The following XXYLT1 variants were observed in gnomAD, a reference collection of about 807,000 sequenced individuals.
XXYLT1 encodes the protein UDP-xylose:alpha-xyloside alpha-1,3-xylosyltransferase.
XXYLT1 carries 20 observed loss-of-function variants against 28.9 expected under a neutral mutation model. The ratio of observed to expected loss-of-function variants is 0.69; its 90% CI spans 0.49 to 1.00. The LOEUF (loss-of-function observed/expected upper bound fraction) is 1.00, where lower values mean the gene tolerates loss of function less well. Among genes scored for constraint, XXYLT1 ranks in the 50% least tolerant of loss-of-function variants. The probability of loss-of-function intolerance (pLI) is 0.00; values close to 1 mark genes in which losing one functional copy is unlikely to be tolerated. For synonymous variants in XXYLT1, 257 were observed against 253.8 expected (o/e 1.01, Z -0.12); for missense variants, 542 against 560.1 (o/e 0.97, Z 0.33).
At chr3:195,235,471 CT>C (rs1361979547) in intron 1 of XXYLT1, among the ~76,000 whole-genome samples, 2 of 152,194 alleles carry the variant, frequency 1.3e-5, no homozygotes, top group African/African-American at 2.4e-5. Flanking sequence ...TTTCAATTCT[CT>C]GTTTGAAAGA....
At chr3:195,269,882 T>G (rs1251912348) in intron 1 of XXYLT1, among the ~76,000 whole-genome samples, 1 of 152,236 alleles carries the variant, frequency 6.6e-6, no homozygotes, top group African/African-American at 2.4e-5. Flanking sequence ...GAAGCTGTCA[T>G]GGAGGCAGAC....
intron 3 of XXYLT1, among the ~76,000 whole-genome samples, chr3:195,148,640 G>A (rs1014357436): frequency 5.3e-5 from 8 of 152,268 alleles, no homozygotes; most frequent in Non-Finnish European, 8.8e-5. Flanking sequence ...CAGCCATAAA[G>A]CCTTCCAGAC....
In XXYLT1 at chr3:195,078,146, T is replaced by C. The variant is rs1715227908; in HGVS notation, c.786-8035A>G. Among the ~76,000 whole-genome samples, 2 of 152,006 alleles carry C rather than the reference T, an allele frequency of 1.3e-5. No homozygotes were observed. The highest frequency in any genetic ancestry group is 2.9e-5 in the Non-Finnish European group (2 of 68,002). ...GGGTGTGGGGCGGAGGAAAAGGGAATTCCATGTTGAGTCCCAAACAGGTGC... is the reference window on the plus strand; with the variant it reads ...GGGTGTGGGGCGGAGGAAAAGGGAACTCCATGTTGAGTCCCAAACAGGTGC... On this transcript the variant is annotated intron_variant, in intron 3 of 3. Coordinates refer to ENST00000310380, the MANE Select transcript of XXYLT1 (RefSeq NM_152531.5). This position sits in a 1 kb window ranked among gnomAD's most constrained non-coding sequence, Gnocchi z 5.0.
chr3:195,189,195 G>A (rs916306211), intron 2 of XXYLT1, among the ~76,000 whole-genome samples: 1 of 152,072 alleles, frequency 6.6e-6, no homozygotes, highest in Non-Finnish European at 1.5e-5. Context: ...GCAACCTCTA[G>A]GAATCCAGGG....
chr3:195,171,587 C>T (rs1301177357), intron 2 of XXYLT1, among the ~76,000 whole-genome samples: 2 of 152,214 alleles, frequency 1.3e-5, no homozygotes, highest in Non-Finnish European at 2.9e-5. Context: ...CTTGATTGTA[C>T]TCTTAAACCT....
At chr3:195,197,821 G>A (rs1338701371) in intron 2 of XXYLT1, among the ~76,000 whole-genome samples, 13 of 152,194 alleles carry the variant, frequency 8.5e-5, no homozygotes, top group Admixed American at 2.6e-4. Flanking sequence ...ACTCTCTCCA[G>A]AAACACTGTC....
At chr3:195,165,641 G>A (rs926337664) in intron 2 of XXYLT1, among the ~76,000 whole-genome samples, 18 of 152,134 alleles carry the variant, frequency 1.2e-4, no homozygotes, top group African/African-American at 3.9e-4. Flanking sequence ...GTGACAGTTT[G>A]CAAACTGACT....
intron 3 of XXYLT1, among the ~76,000 whole-genome samples, chr3:195,149,431 CAGGGCTAG>C (rs935845115): frequency 5.1e-4 from 78 of 152,258 alleles, no homozygotes; most frequent in African/African-American, 1.8e-3. Flanking sequence ...TATTGGAGAT[CAGGGCTAG>C]AGCCATGGCT....
intron 3 of XXYLT1, among the ~76,000 whole-genome samples, chr3:195,086,373 G>A (rs1715726741): frequency 1.3e-5 from 2 of 152,188 alleles, no homozygotes. Flanking sequence ...GCCAGGTCTG[G>A]CGTCTCGGCC....
At chr3:195,198,026 C>G (rs1012082913) in intron 2 of XXYLT1, among the ~76,000 whole-genome samples, 22 of 152,226 alleles carry the variant, frequency 1.4e-4, no homozygotes, top group Non-Finnish European at 3.1e-4. Flanking sequence ...TCTCCCCTAT[C>G]CATGAAATCG....
At position 195,123,554 on chromosome 3, in the gene XXYLT1, C is replaced by T. The variant is rs144645152; in HGVS notation, c.785+32895G>A. ...TGAGTCCTGAGGGCTGCAAGGCCTG[C>T]GTCTGAAGGAGCTCGTCAGCTGAAT... On this transcript the variant is annotated intron_variant, in intron 3 of 3. Transcript: ENST00000310380. Among the ~76,000 whole-genome samples, 810 of 152,284 alleles carry T rather than the reference C, an allele frequency of 5.3e-3. 3 individuals are homozygous for T. The highest frequency in any genetic ancestry group is 9.4e-3 in the Non-Finnish European group (638 of 68,028).
intron 2 of XXYLT1, among the ~76,000 whole-genome samples, chr3:195,184,057 A>C (rs1722070601): frequency 6.6e-6 from 1 of 152,214 alleles, no homozygotes; most frequent in African/African-American, 2.4e-5. Context: ...AAGACACACA[A>C]ATGGCCTAGT....
intron 2 of XXYLT1, chr3:195,184,530 T>A (rs992483674): frequency 2.4e-6 from 2 of 830,508 alleles, no homozygotes; most frequent in Non-Finnish European, 2.9e-6. Context: ...TCAGACTATC[T>A]TAATAAATGG....
chr3:195,111,773 A>G (rs531238297), intron 3 of XXYLT1, among the ~76,000 whole-genome samples: 55 of 152,334 alleles, frequency 3.6e-4, no homozygotes, highest in African/African-American at 1.3e-3. Flanking sequence ...AGCTGTCTTC[A>G]CAGGGCCTTG....
intron 1 of XXYLT1, among the ~76,000 whole-genome samples, chr3:195,229,766 G>C (rs922709152): frequency 2.0e-5 from 3 of 152,190 alleles, no homozygotes; most frequent in African/African-American, 7.2e-5. Flanking sequence ...TATATGTACT[G>C]TTTTCTTTTT....
chr3:195,110,322 GGGTGAGGT>G (rs1463839988), intron 3 of XXYLT1, among the ~76,000 whole-genome samples: 6 of 16,120 alleles, frequency 3.7e-4, no homozygotes, highest in African/African-American at 1.1e-3. Context: ...GTGTGGGTGA[GGGTGAGGT>G]GTGTGTATGT....
chr3:195,125,285 T>C (rs1476342089), intron 3 of XXYLT1, among the ~76,000 whole-genome samples: 3 of 152,222 alleles, frequency 2.0e-5, no homozygotes, highest in Admixed American at 6.5e-5. Context: ...TTTTGGCCTC[T>C]ACTCCTCGAC....
intron 2 of XXYLT1, among the ~76,000 whole-genome samples, chr3:195,199,303 T>C (rs1054771923): frequency 6.6e-6 from 1 of 152,162 alleles, no homozygotes; most frequent in Non-Finnish European, 1.5e-5. Context: ...CGGTTGCGTA[T>C]GCCTACATAT....
Position 195,180,247 on chromosome 3 carries a change from G to C in XXYLT1, c.653-23666C>G, listed in dbSNP as rs1267830699. On this transcript the variant is annotated intron_variant, in intron 2 of 3. Coordinates refer to ENST00000310380, the MANE Select transcript of XXYLT1 (RefSeq NM_152531.5). The surrounding 1 kb of genome is among the most constrained non-coding windows in gnomAD (Gnocchi z 5.8). ...ATCCCCGTCTCTGCACTGACACCGG[G>C]GGTGGTGAGTGGCACACTCGGTCCC... 1.1e-6 allele frequency: 1 copy of C among 897,750 alleles called. No homozygotes were observed. Among genetic ancestry groups the C allele is most frequent in the African/African-American group, 1.8e-5 (1 of 55,370 alleles). 55.6% of individuals were successfully genotyped at this position (897,750 alleles called of 1,614,324 possible). A position where few individuals can be genotyped will look rare whatever the true frequency, so the allele number is the denominator to read the frequency against.
Sources: gnomAD v4.1 joint callset for allele counts (sites outside exome capture counted in the v4.1 genomes callset) on GRCh38, gnomAD v4.1.1 for gene constraint, Gnocchi (gnomAD v3.1) non-coding constraint, MANE v1.5 for transcripts, NCBI Gene and HGNC (gene_info 2026-07-23, HGNC 2026-07-21) for gene names.